EXT1: variants seen among roughly 807,000 people sequenced by gnomAD.
The protein encoded by EXT1 is exostosin-1.
A neutral mutation model predicts 82.5 loss-of-function variants in EXT1; 20 were observed. That is an observed-to-expected ratio of 0.24 (90% CI 0.17 to 0.35). The LOEUF is 0.35. Among genes scored for constraint, EXT1 ranks in the 10% least tolerant of loss-of-function variants. EXT1 has a pLI of 1.00. For synonymous variants in EXT1, 348 were observed against 350.8 expected, an observed-to-expected ratio of 0.99 and a Z score of 0.09; for missense variants, 757 against 936.5, an observed-to-expected ratio of 0.81 and a Z score of 2.50.
At chr8:117,816,030 G>A (rs1811806870) in intron 7 of EXT1, among the ~76,000 whole-genome samples, 1 of 150,888 alleles carries the variant, frequency 6.6e-6, no homozygotes, top group Non-Finnish European at 1.5e-5. Flanking sequence ...TGGGGAGGGA[G>A]GTACATAAGA....
At chr8:117,923,664 G>T (rs1363173390) in intron 1 of EXT1, among the ~76,000 whole-genome samples, 1 of 149,250 alleles carries the variant, frequency 6.7e-6, no homozygotes, top group Non-Finnish European at 1.5e-5. Flanking sequence ...AGGTGGAGCT[G>T]GCAGTAAGCC....
At chr8:117,802,260 GCCTT>G (rs1482242685) in intron 10 of EXT1, among the ~76,000 whole-genome samples, 4 of 152,058 alleles carry the variant, frequency 2.6e-5, no homozygotes, top group Non-Finnish European at 5.9e-5. Flanking sequence ...CCCCTAAGAG[GCCTT>G]GTATGACTAG....
At position 117,840,105 on chromosome 8, in the gene EXT1, G is replaced by C. The variant is rs541513363; in HGVS notation, c.963-2904C>G. On this transcript the variant is annotated intron_variant, in intron 1 of 10. Transcript: ENST00000378204. ...TTTAAGTCTCTGAGAATTGTCCTAA[G>C]GGGATAATGACAAATAGAGAAACAG... Among the ~76,000 whole-genome samples the C allele has an allele frequency of 2.0e-5, 3 of 152,296 alleles. No individual in the cohort carries two copies. The South Asian group carries it at 6.2e-4, about 32-fold the overall frequency.
chr8:117,809,228 T>C (rs1006868748), intron 8 of EXT1, among the ~76,000 whole-genome samples: 1 of 134,528 alleles, frequency 7.4e-6, no homozygotes, highest in Non-Finnish European at 1.6e-5. Context: ...AATATATATA[T>C]ATATATATAT....
At chr8:118,039,262 T>A (rs896032514) in intron 1 of EXT1, among the ~76,000 whole-genome samples, 3 of 152,052 alleles carry the variant, frequency 2.0e-5, no homozygotes, top group African/African-American at 7.2e-5. Flanking sequence ...AAACCTCTAT[T>A]CTATTTCAAC....
At chr8:117,822,622 G>C in intron 4 of EXT1, 25 bp from the exon 5 acceptor site, 1 of 1,609,878 alleles carries the variant, frequency 6.2e-7, no homozygotes, top group Non-Finnish European at 8.5e-7. Context: ...ATAGCACACA[G>C]TGAGGATGAG....
chr8:118,082,442 G>GA (rs1467747399), intron 1 of EXT1, among the ~76,000 whole-genome samples: 1 of 152,072 alleles, frequency 6.6e-6, no homozygotes, highest in Non-Finnish European at 1.5e-5. Context: ...GAAATCTTTT[G>GA]ATTTTATTAT....
intron 1 of EXT1, among the ~76,000 whole-genome samples, chr8:118,070,859 T>C (rs1817078571): frequency 6.6e-6 from 1 of 152,042 alleles, no homozygotes; most frequent in African/African-American, 2.4e-5. Context: ...GTATGAGCAC[T>C]AAAAAGGGAA....
intron 1 of EXT1, among the ~76,000 whole-genome samples, chr8:117,920,850 G>C (rs1220391792): frequency 6.6e-6 from 1 of 152,090 alleles, no homozygotes; most frequent in Non-Finnish European, 1.5e-5. Flanking sequence ...GGGATAACAG[G>C]AGTGGCTGCT....
intron 1 of EXT1, among the ~76,000 whole-genome samples, chr8:118,077,432 CTT>C (rs1817231952): frequency 6.6e-6 from 1 of 152,174 alleles, no homozygotes; most frequent in Non-Finnish European, 1.5e-5. Flanking sequence ...TCTCCATACA[CTT>C]CTATAGCAAA....
chr8:117,883,930 G>T (rs1026849434), intron 1 of EXT1, among the ~76,000 whole-genome samples: 30 of 152,210 alleles, frequency 2.0e-4, no homozygotes, highest in Non-Finnish European at 4.4e-4. Context: ...AAGGTGCAAA[G>T]TGACTTCTGC....
intron 1 of EXT1, among the ~76,000 whole-genome samples, chr8:117,997,262 T>C (rs28357298): frequency 0.15 from 18,464 of 121,808 alleles, 1,219 homozygotes; most frequent in Middle Eastern, 0.29. Context: ...TATATATATA[T>C]ACACACTTTA....
chr8:117,971,504 A>T (rs1814939119), intron 1 of EXT1, among the ~76,000 whole-genome samples: 1 of 152,202 alleles, frequency 6.6e-6, no homozygotes, highest in African/African-American at 2.4e-5. Context: ...TTGAAGATAA[A>T]TTAGAGAAGC....
intron 1 of EXT1, among the ~76,000 whole-genome samples, chr8:117,866,793 C>CACA (rs1812780884): frequency 1.1e-5 from 1 of 91,848 alleles, no homozygotes. Context: ...CTGGCCTACC[C>CACA]AAAAAAAAAA....
chr8:118,077,689 A>G (rs1411535591), intron 1 of EXT1, among the ~76,000 whole-genome samples: 1 of 152,198 alleles, frequency 6.6e-6, no homozygotes, highest in Non-Finnish European at 1.5e-5. Context: ...GACTCTAATA[A>G]TAAATATCAA....
intron 1 of EXT1, among the ~76,000 whole-genome samples, chr8:117,891,388 G>A (rs12544064): frequency 0.094 from 14,320 of 152,138 alleles, 871 homozygotes; most frequent in Middle Eastern, 0.17. Context: ...ACAAGACTAT[G>A]AGAATGGCAA....
intron 1 of EXT1, among the ~76,000 whole-genome samples, chr8:118,042,859 T>C (rs768419455): frequency 6.6e-6 from 1 of 152,250 alleles, no homozygotes; most frequent in Non-Finnish European, 1.5e-5. Flanking sequence ...ACTTGTTTTA[T>C]GTTCATTCTG....
chr8:117,968,858 T>C (rs4876780), intron 1 of EXT1, among the ~76,000 whole-genome samples: 70,108 of 146,420 alleles, frequency 0.48, 27,501 homozygotes, highest in Admixed American at 0.61. Context: ...CGTGAGCCAC[T>C]GTGCCCAGCC....
chr8:117,962,256 T>A (rs1204890440), intron 1 of EXT1, among the ~76,000 whole-genome samples: 1 of 152,178 alleles, frequency 6.6e-6, no homozygotes, highest in Non-Finnish European at 1.5e-5. Flanking sequence ...TATGAATCTA[T>A]GCTATGAAAA....
Sources: gnomAD v4.1 joint callset for allele counts (sites outside exome capture counted in the v4.1 genomes callset) on GRCh38, gnomAD v4.1.1 for gene constraint, MANE v1.5 for transcripts, NCBI Gene and HGNC (gene_info 2026-07-23, HGNC 2026-07-21) for gene names.